The following CMSS1 variants were observed in gnomAD, a reference collection of about 807,000 sequenced individuals.
CMSS1 encodes protein CMSS1.
A neutral mutation model predicts 43.5 loss-of-function variants in CMSS1; 33 were observed. The observed-to-expected ratio is 0.76, with a 90% CI of 0.57 to 1.01. CMSS1 has a LOEUF of 1.01. Ranked by LOEUF, CMSS1 falls within the 50% of genes least tolerant of loss-of-function variation. CMSS1 has a pLI of 0.00. For synonymous variants in CMSS1, 115 were observed against 117.2 expected, an observed-to-expected ratio of 0.98 and a Z score of 0.12; for missense variants, 313 against 326.4, an observed-to-expected ratio of 0.96 and a Z score of 0.32.
At chr3:100,126,675 A>G (rs1374384929) in intron 1 of CMSS1, among the ~76,000 whole-genome samples, 1 of 152,184 alleles carries the variant, frequency 6.6e-6, no homozygotes, top group African/African-American at 2.4e-5. Context: ...ATCTATAGTT[A>G]ACTAAGAGCT....
chr3:99,822,846 C>A (rs976406505), intron 1 of CMSS1, among the ~76,000 whole-genome samples: 22 of 152,178 alleles, frequency 1.4e-4, no homozygotes, highest in African/African-American at 5.3e-4. Flanking sequence ...TTAATTTAAT[C>A]TTCCCAAGTA....
chr3:100,011,266 T>A (rs1252886522), intron 1 of CMSS1, among the ~76,000 whole-genome samples: 1 of 152,190 alleles, frequency 6.6e-6, no homozygotes, highest in Non-Finnish European at 1.5e-5. Context: ...CTCAGGGAAA[T>A]GTTTCTCTTT....
chr3:99,924,814 G>A (rs540370824), intron 1 of CMSS1, among the ~76,000 whole-genome samples: 2 of 152,252 alleles, frequency 1.3e-5, no homozygotes, highest in South Asian at 2.1e-4. Flanking sequence ...GAGCCACGGC[G>A]CCCGGCCAGC....
intron 5 of CMSS1, 82 bp from the exon 6 acceptor site, chr3:100,167,655 TC>T: frequency 1.3e-6 from 1 of 781,638 alleles, no homozygotes; most frequent in Non-Finnish European, 2.1e-6. Context: ...GTTTAAATAC[TC>T]AACAAAGAAG....
intron 1 of CMSS1, among the ~76,000 whole-genome samples, chr3:99,922,474 A>G (rs1006737477): frequency 6.6e-6 from 1 of 152,152 alleles, no homozygotes; most frequent in African/African-American, 2.4e-5. Flanking sequence ...AACCTCCTGG[A>G]AAAAATAGAG....
intron 1 of CMSS1, among the ~76,000 whole-genome samples, chr3:99,880,905 G>A (rs1705704434): frequency 6.6e-6 from 1 of 151,916 alleles, no homozygotes; most frequent in African/African-American, 2.4e-5. Context: ...TGTATATTAT[G>A]TTTCTTTTTG....
At chr3:100,150,941 C>A (rs538925145) in intron 2 of CMSS1, among the ~76,000 whole-genome samples, 28 of 152,318 alleles carry the variant, frequency 1.8e-4, no homozygotes, top group African/African-American at 5.5e-4. Flanking sequence ...CATGACCCAT[C>A]TTCTCCTGCT....
intron 1 of CMSS1, among the ~76,000 whole-genome samples, chr3:100,131,356 C>T (rs12635450): frequency 1.3e-5 from 2 of 152,270 alleles, no homozygotes; most frequent in East Asian, 1.9e-4. Context: ...GAGTGATAAA[C>T]GATGTCTACC....
At chr3:100,016,383 G>T (rs1710340700) in intron 1 of CMSS1, among the ~76,000 whole-genome samples, 1 of 152,126 alleles carries the variant, frequency 6.6e-6, no homozygotes, top group African/African-American at 2.4e-5. Flanking sequence ...TAGAGGCAGG[G>T]TATCTCCATG....
rs192586245 is a variant in CMSS1, at chr3:99,850,880, T to C, written c.64+32837T>C. On this transcript the variant is annotated intron_variant, in intron 1 of 9. Transcript: ENST00000421999. The stretch of plus-strand genomic sequence containing the variant: ...AGTTTGGTATGTGTTTCCTTTGCAT[T>C]TGTGGTCAGCTCTTGGATTTTCTGT... The C allele has an allele frequency of 2.5e-6, 4 of 1,614,224 alleles. No individual in the cohort carries two copies. The African/African-American group carries it at 4.0e-5, about 16-fold the overall frequency.
intron 1 of CMSS1, among the ~76,000 whole-genome samples, chr3:99,990,136 A>C (rs1381782337): frequency 6.6e-6 from 1 of 152,198 alleles, no homozygotes; most frequent in African/African-American, 2.4e-5. Context: ...ATTGTATGCC[A>C]GATACTGCCT....
chr3:99,846,566 A>G (rs1042132630), intron 1 of CMSS1, among the ~76,000 whole-genome samples: 6 of 152,244 alleles, frequency 3.9e-5, no homozygotes, highest in Non-Finnish European at 8.8e-5. Context: ...GTTGATTCCT[A>G]AGATAAATGT....
chr3:99,985,739 C>T (rs1709320671), intron 1 of CMSS1, among the ~76,000 whole-genome samples: 1 of 152,082 alleles, frequency 6.6e-6, no homozygotes, highest in African/African-American at 2.4e-5. Flanking sequence ...CAGGCACCTG[C>T]TACCATGCCC....
At chr3:99,987,965 C>G (rs368196921) in intron 1 of CMSS1, among the ~76,000 whole-genome samples, 1 of 152,166 alleles carries the variant, frequency 6.6e-6, no homozygotes, top group South Asian at 2.1e-4. Context: ...TCCAGGCCAT[C>G]ATTCTGTTTC....
intron 1 of CMSS1, among the ~76,000 whole-genome samples, chr3:99,954,295 A>G (rs567847162): frequency 1.7e-4 from 26 of 152,310 alleles, no homozygotes; most frequent in African/African-American, 6.0e-4. Context: ...CTGATACCCC[A>G]TCCTGCTGCC....
At chr3:99,942,840 C>A (rs1707891352) in intron 1 of CMSS1, among the ~76,000 whole-genome samples, 2 of 150,608 alleles carry the variant, frequency 1.3e-5, no homozygotes, top group African/African-American at 2.4e-5. Context: ...AAAAAAAAAA[C>A]TGAAAAACAA....
At chr3:100,098,231 G>A (rs150575558) in intron 1 of CMSS1, among the ~76,000 whole-genome samples, 27 of 152,286 alleles carry the variant, frequency 1.8e-4, no homozygotes, top group Non-Finnish European at 3.2e-4. Flanking sequence ...CAAACTACAC[G>A]GTACCTGTAT....
At chr3:100,079,813 A>G (rs973166840) in intron 1 of CMSS1, among the ~76,000 whole-genome samples, 1 of 152,130 alleles carries the variant, frequency 6.6e-6, no homozygotes, top group Admixed American at 6.5e-5. Context: ...TCTCATGATA[A>G]CCTAAAAAAA....
At chr3:99,818,223 C>A (rs1010126982) in intron 1 of CMSS1, among the ~76,000 whole-genome samples, 180 bp downstream of exon 1, 1 of 152,266 alleles carries the variant, frequency 6.6e-6, no homozygotes, top group African/African-American at 2.4e-5. Context: ...AAACAGACAG[C>A]TGTGACATTA....
Sources: gnomAD v4.1 joint callset for allele counts (sites outside exome capture counted in the v4.1 genomes callset) on GRCh38, gnomAD v4.1.1 for gene constraint, MANE v1.5 for transcripts, NCBI Gene and HGNC (gene_info 2026-07-23, HGNC 2026-07-21) for gene names.